Variants in UBE4A observed in about 807,000 individuals in gnomAD.
UBE4A encodes the protein ubiquitin conjugation factor E4 A.
A neutral mutation model predicts 117.9 loss-of-function variants in UBE4A; 48 were observed. That is an observed-to-expected ratio of 0.41 (90% CI 0.32 to 0.52). The LOEUF is 0.52. Ranked by LOEUF, UBE4A falls within the 20% of genes least tolerant of loss-of-function variation. UBE4A has a pLI of 0.33. For synonymous variants in UBE4A, 407 were observed against 450.0 expected, an observed-to-expected ratio of 0.90 and a Z score of 1.21; for missense variants, 1,067 against 1,296.3, an observed-to-expected ratio of 0.82 and a Z score of 2.72.
At chr11:118,381,829 C>G (rs1948707848) in intron 12 of UBE4A, among the ~76,000 whole-genome samples, 1 of 152,208 alleles carries the variant, frequency 6.6e-6, no homozygotes, top group Non-Finnish European at 1.5e-5. Flanking sequence ...CAGCCAGGTG[C>G]TAATGATCTT....
chr11:118,386,383 C>T (rs113663316), intron 15 of UBE4A, 55 bp from the exon 16 acceptor site: 30 of 1,543,470 alleles, frequency 1.9e-5, no homozygotes, highest in African/African-American at 2.9e-5. Context: ...TTAAATGTCA[C>T]GTCCCTTCAA....
At position 118,396,432 on chromosome 11, in the gene UBE4A, C is replaced by T. The variant is rs782467710; in HGVS notation, c.3193C>T (p.Leu1065Phe). 6 of 1,613,472 alleles carry T rather than the reference C, an allele frequency of 3.7e-6. No homozygotes were observed. The South Asian group carries it at 4.4e-5, about 12-fold the overall frequency. ...LAERKQQKEQ[L>F]E ...AGAGAGGAAACAACAAAAGGAGCAA[C>T]TTGAATAGATACTGTGAACTAACCA... The change falls in exon 20 of 20, where the codon CTT (leucine) becomes TTT (phenylalanine). Residue 1065 changes from leucine to phenylalanine, a missense_variant. Coordinates refer to ENST00000252108, the MANE Select transcript of UBE4A (RefSeq NM_001204077.2).
At chr11:118,382,527 A>AAC in intron 12 of UBE4A, 62 bp from the exon 13 acceptor site, 3 of 1,376,042 alleles carry the variant, frequency 2.2e-6, no homozygotes, top group Non-Finnish European at 2.9e-6. Context: ...ATGTGGAGAG[A>AAC]ACAGAGTCAT....
intron 18 of UBE4A, among the ~76,000 whole-genome samples, 175 bp from the exon 19 acceptor site, chr11:118,392,563 T>G (rs1555128736): frequency 6.6e-6 from 1 of 152,240 alleles, no homozygotes; most frequent in East Asian, 1.9e-4. Context: ...AATTTGTTCT[T>G]AGAATATCTT....
chr11:118,399,174 C>T lies in UBE4A; in HGVS notation c.*2734C>T. ...TCAAACTTGCCTGGCAGTGTTTGTT[C>T]AAAACTTGTATTTAATAAATGAACA... On this transcript the variant is annotated 3_prime_UTR_variant, in exon 20 of 20. Transcript: ENST00000252108. 5.0e-6 allele frequency: 2 copies of T among 398,270 alleles called. No homozygotes were observed. The highest frequency in any genetic ancestry group is 1.8e-5 in the South Asian group (1 of 56,738). The allele number at this position is 398,270 out of a possible 1,614,324, so 24.7% of individuals were successfully genotyped here.
At chr11:118,373,314 C>T (rs372399748) in intron 7 of UBE4A, 26 bp downstream of exon 7, 51 of 1,606,754 alleles carry the variant, frequency 3.2e-5, no homozygotes, top group Non-Finnish European at 3.9e-5. Context: ...GATATGTATT[C>T]AGTTGAGCTA....
chr11:118,369,544 C>T lies in UBE4A; in HGVS notation c.408+9C>T. ...TGAGCAATGTTGAGCAGGTAATATT[C>T]TTACGTTCCTAATGTGTGCCCTTAG... On this transcript the variant is annotated intron_variant, in intron 4 of 19. Coordinates refer to ENST00000252108, the MANE Select transcript of UBE4A (RefSeq NM_001204077.2). 1 of 1,607,030 alleles carries T rather than the reference C, an allele frequency of 6.2e-7. No individual in the cohort carries two copies. The highest frequency in any genetic ancestry group is 1.1e-5 in the South Asian group (1 of 90,868).
At position 118,384,947 on chromosome 11, in the gene UBE4A, TAAA is replaced by T. The variant is rs370025001; in HGVS notation, c.2412+21_2412+23del. ...TTCCTTTTGGATGAAGCCATACAGG[TAAA>T]AAAAAAAAAAAAAAAAAAGATTTAA... On this transcript the variant is annotated splice_donor_5th_base_variant and intron_variant, in intron 15 of 19. Coordinates refer to ENST00000252108, the MANE Select transcript of UBE4A (RefSeq NM_001204077.2). 56,527 of 999,732 alleles carry T rather than the reference TAAA, an allele frequency of 0.057. No homozygotes were observed. Among genetic ancestry groups the T allele is most frequent in the East Asian group, 0.065 (2,194 of 33,544 alleles). The allele number at this position is 999,732 out of a possible 1,614,324, so 61.9% of individuals were successfully genotyped here.
intron 9 of UBE4A, among the ~76,000 whole-genome samples, chr11:118,375,470 CTGCCTCA>C (rs1948644456): frequency 6.6e-6 from 1 of 152,186 alleles, no homozygotes; most frequent in African/African-American, 2.4e-5. Context: ...AGCGATTCTC[CTGCCTCA>C]GCCTCCCGAG....
intron 4 of UBE4A, among the ~76,000 whole-genome samples, chr11:118,370,493 T>C (rs566575403): frequency 1.2e-4 from 18 of 152,152 alleles, no homozygotes; most frequent in African/African-American, 4.3e-4. Flanking sequence ...TGATGGCATG[T>C]ACCTGAAGTC....
Position 118,372,507 on chromosome 11 carries a change from A to T in UBE4A, c.562A>T (p.Ile188Phe). ...YSCFQRAKEE[I>F]TKVPENLLPF... ...CCTCTTTTCTTCATGCTGTTTGCAG[A>T]TTACCAAAGTTCCAGAGAACCTGCT... Residue 188 changes from isoleucine to phenylalanine, a missense_variant and splice_region_variant, in exon 6 of 20, where the codon ATT becomes TTT. Physicochemically the swap from Ile to Phe is conservative, Grantham distance 21. This residue lies in a region of UBE4A where 1,001 missense variants were observed against 1,184.0 expected (regional missense o/e 0.85). Transcript: ENST00000252108. The T allele has an allele frequency of 6.2e-7, 1 of 1,600,490 alleles. No individual in the cohort carries two copies. Among genetic ancestry groups the T allele is most frequent in the Non-Finnish European group, 8.5e-7 (1 of 1,176,466 alleles).
At chr11:118,384,519 A>C (rs1283168593) in intron 13 of UBE4A, 116 bp from the exon 14 acceptor site, 1 of 869,374 alleles carries the variant, frequency 1.2e-6, no homozygotes, top group African/African-American at 1.7e-5. Flanking sequence ...AGATTTTGTT[A>C]GTAGCCTTAA....
At chr11:118,368,853 G>A in intron 3 of UBE4A, 49 bp downstream of exon 3, 1 of 1,594,244 alleles carries the variant, frequency 6.3e-7, no homozygotes, top group Non-Finnish European at 8.6e-7. Flanking sequence ...TTTGAGCTTG[G>A]GCTAGGGGCT....
intron 13 of UBE4A, 92 bp from the exon 14 acceptor site, chr11:118,384,543 A>C: frequency 8.3e-7 from 1 of 1,205,820 alleles, no homozygotes; most frequent in Non-Finnish European, 1.2e-6. Context: ...ACTCAAAAGC[A>C]AATGACTACA....
intron 16 of UBE4A, 149 bp downstream of exon 16, chr11:118,386,761 CA>C (rs1948763076): frequency 1.1e-6 from 1 of 923,912 alleles, no homozygotes; most frequent in Non-Finnish European, 1.5e-6. Flanking sequence ...TGAGAAGCTT[CA>C]AAAAGAATGA....
chr11:118,394,128 G>A (rs970861651), intron 19 of UBE4A, among the ~76,000 whole-genome samples: 3 of 151,990 alleles, frequency 2.0e-5, no homozygotes, highest in African/African-American at 7.3e-5. Flanking sequence ...AAAGAAATGA[G>A]TACTGAGAGA....
chr11:118,361,011 T>TC (rs1948516727), intron 1 of UBE4A, among the ~76,000 whole-genome samples: 1 of 147,330 alleles, frequency 6.8e-6, no homozygotes, highest in Non-Finnish European at 1.5e-5. Context: ...TGTGTGTATT[T>TC]TTTTTTTTTT....
chr11:118,372,482 C>T, intron 5 of UBE4A, 25 bp from the exon 6 acceptor site: 2 of 1,593,408 alleles, frequency 1.3e-6, no homozygotes, highest in South Asian at 1.1e-5. Context: ...TAGACTATTC[C>T]CTCTTTTCTT....
rs1438868873 is a variant in UBE4A, at chr11:118,375,357, G to A, written c.1450+128G>A. The A allele has an allele frequency of 9.1e-6, 9 of 990,900 alleles. No individual in the cohort carries two copies. In the Admixed American group the frequency reaches 1.4e-4, roughly 15 times the overall value. 61.4% of individuals were successfully genotyped at this position (990,900 alleles called of 1,614,324 possible). The stretch of plus-strand genomic sequence containing the variant: ...AGATGAGGCAGAAACGAGCTATTTC[G>A]ATTTTTTTTTCTTTTTTTTTGAGAT... On this transcript the variant is annotated intron_variant, in intron 9 of 19. Transcript: ENST00000252108.
Sources: gnomAD v4.1 joint callset for allele counts (sites outside exome capture counted in the v4.1 genomes callset) on GRCh38, gnomAD v4.1.1 for gene constraint, gnomAD v4.1.1 regional missense constraint, MANE v1.5 for transcripts, NCBI Gene and HGNC (gene_info 2026-07-23, HGNC 2026-07-21) for gene names.